FBXL17: variants seen among roughly 807,000 people sequenced by gnomAD.
FBXL17 encodes the protein F-box/LRR-repeat protein 17.
Under a neutral mutation model 66.2 loss-of-function variants are expected in FBXL17, and 22 were observed. That is an observed-to-expected ratio of 0.33 (90% confidence interval 0.24 to 0.47). FBXL17 has a LOEUF of 0.47. FBXL17 is among the 20% of genes least tolerant of loss of function. FBXL17 has a pLI of 1.00. For synonymous variants in FBXL17, 474 were observed against 400.5 expected (o/e 1.18, Z -2.19); for missense variants, 878 against 948.2 (o/e 0.93, Z 0.97).
chr5:108,210,261 G>C (rs1274859799), intron 5 of FBXL17, among the ~76,000 whole-genome samples: 1 of 152,012 alleles, frequency 6.6e-6, no homozygotes. Context: ...CAAAAAACCA[G>C]CTCCTGGATT....
At chr5:108,071,480 C>T (rs1748329588) in intron 6 of FBXL17, among the ~76,000 whole-genome samples, 1 of 152,112 alleles carries the variant, frequency 6.6e-6, no homozygotes, top group African/African-American at 2.4e-5. Context: ...GCATGGATTC[C>T]TCTTTGGGCC....
chr5:108,112,746 A>C (rs182921068), intron 6 of FBXL17, among the ~76,000 whole-genome samples: 28 of 151,340 alleles, frequency 1.9e-4, no homozygotes, highest in African/African-American at 6.5e-4. Flanking sequence ...GAGTGAAATG[A>C]AAGTTGTAAA....
At chr5:108,117,133 T>C (rs1750289851) in intron 6 of FBXL17, among the ~76,000 whole-genome samples, 1 of 152,186 alleles carries the variant, frequency 6.6e-6, no homozygotes, top group Non-Finnish European at 1.5e-5. Flanking sequence ...GACAGTTTGA[T>C]TGACTAAGTT....
At position 108,300,836 on chromosome 5, in the gene FBXL17, A is replaced by C. The variant is rs117683200; in HGVS notation, c.1506+47563T>G. ...ATATATGTAAGAGTAAAGTTCTGTT[A>C]GTTCCAAAAAACTGATGACTCAAAA... On this transcript the variant is annotated intron_variant, in intron 4 of 8. Coordinates refer to ENST00000542267, the MANE Select transcript of FBXL17 (RefSeq NM_001163315.3). Among the ~76,000 whole-genome samples, 861 of 151,886 alleles carry C rather than the reference A, an allele frequency of 5.7e-3. 26 individuals carry two copies. The East Asian group carries it at 0.099, about 18-fold the overall frequency.
chr5:108,112,536 A>C (rs747544586), intron 6 of FBXL17, among the ~76,000 whole-genome samples: 2 of 152,244 alleles, frequency 1.3e-5, no homozygotes, highest in African/African-American at 4.8e-5. Context: ...AAACATCGTC[A>C]TATTCACAAC....
chr5:108,242,557 T>C (rs999037826), intron 4 of FBXL17, among the ~76,000 whole-genome samples: 3 of 152,130 alleles, frequency 2.0e-5, no homozygotes, highest in Non-Finnish European at 4.4e-5. Flanking sequence ...TATGTAATTA[T>C]TTCATCAAGC....
chr5:108,132,953 G>A (rs1227973950), intron 6 of FBXL17, among the ~76,000 whole-genome samples: 1 of 152,092 alleles, frequency 6.6e-6, no homozygotes, highest in Non-Finnish European at 1.5e-5. Flanking sequence ...TGTCATATTA[G>A]CAATGGGAAA....
At chr5:108,024,633 G>C (rs546718142) in intron 6 of FBXL17, among the ~76,000 whole-genome samples, 1 of 152,114 alleles carries the variant, frequency 6.6e-6, no homozygotes, top group Non-Finnish European at 1.5e-5. Flanking sequence ...AAATTCTTGA[G>C]TAACAGCTGT....
intron 6 of FBXL17, among the ~76,000 whole-genome samples, chr5:108,158,923 G>A (rs1335033852): frequency 6.6e-6 from 1 of 152,078 alleles, no homozygotes; most frequent in African/African-American, 2.4e-5. Context: ...TCTCTGTGGT[G>A]TAGAAGATAC....
At chr5:108,014,159 C>A (rs1450533566) in intron 7 of FBXL17, among the ~76,000 whole-genome samples, 1 of 151,916 alleles carries the variant, frequency 6.6e-6, no homozygotes, top group East Asian at 1.9e-4. Context: ...TTTCCTATAC[C>A]TATAGAAGAC....
At chr5:107,880,173 T>A (rs554785513) in intron 8 of FBXL17, 1 of 205,846 alleles carries the variant, frequency 4.9e-6, no homozygotes, top group African/African-American at 2.4e-5. Flanking sequence ...GCTCAGGTGA[T>A]CCTCCCACCT....
At chr5:107,931,907 C>T (rs988937918) in intron 7 of FBXL17, among the ~76,000 whole-genome samples, 1 of 152,066 alleles carries the variant, frequency 6.6e-6, no homozygotes, top group African/African-American at 2.4e-5. Context: ...GGTGCCTTTC[C>T]AATTAATAAG....
At chr5:108,084,455 T>C (rs1161016517) in intron 6 of FBXL17, among the ~76,000 whole-genome samples, 1 of 152,138 alleles carries the variant, frequency 6.6e-6, no homozygotes, top group African/African-American at 2.4e-5. Context: ...CAAAATAAGT[T>C]TCATCTGGAA....
chr5:108,300,232 A>C (rs947339633), intron 4 of FBXL17, among the ~76,000 whole-genome samples: 1 of 151,994 alleles, frequency 6.6e-6, no homozygotes, highest in Non-Finnish European at 1.5e-5. Context: ...TTGATTAAAA[A>C]ATATAGCATC....
At chr5:107,888,597 A>AT (rs1320952737) in intron 7 of FBXL17, among the ~76,000 whole-genome samples, 1 of 152,170 alleles carries the variant, frequency 6.6e-6, no homozygotes, top group Non-Finnish European at 1.5e-5. Context: ...TTTGAACTTT[A>AT]TATAGAGTCA....
chr5:107,885,460 T>C lies in FBXL17; in HGVS notation c.1823-4281A>G, dbSNP rs190244355. ...ACAAAATTACTTCCGTATATACAAG[T>C]TTATTTATTGGAGCACTGATTGTAA... On this transcript the variant is annotated intron_variant, in intron 7 of 8. Coordinates refer to ENST00000542267, the MANE Select transcript of FBXL17 (RefSeq NM_001163315.3). 4.6e-5 allele frequency among the ~76,000 whole-genome samples: 7 copies of C among 152,340 alleles called. No homozygotes were observed. In the East Asian group the frequency reaches 1.2e-3, roughly 25 times the overall value.
intron 5 of FBXL17, among the ~76,000 whole-genome samples, chr5:108,223,202 T>C (rs947780620): frequency 2.0e-5 from 3 of 152,078 alleles, no homozygotes; most frequent in African/African-American, 7.2e-5. Flanking sequence ...CATTTGCTCT[T>C]CTCCTAGGGA....
In FBXL17 at chr5:107,932,117, C is replaced by T. The variant is rs536036317; in HGVS notation, c.1823-50938G>A. 2.6e-5 allele frequency among the ~76,000 whole-genome samples: 4 copies of T among 152,276 alleles called. No individual in the cohort carries two copies. The South Asian group carries it at 8.3e-4, about 32-fold the overall frequency. On this transcript the variant is annotated intron_variant, in intron 7 of 8. Coordinates refer to ENST00000542267, the MANE Select transcript of FBXL17 (RefSeq NM_001163315.3). The stretch of plus-strand genomic sequence containing the variant: ...ACCCTTGGAAAGACACTGGTCTAGA[C>T]TCTCCTTCTTAGAAGAAGGATTTTT...
At chr5:108,243,522 T>C (rs932302712) in intron 4 of FBXL17, among the ~76,000 whole-genome samples, 1 of 152,230 alleles carries the variant, frequency 6.6e-6, no homozygotes, top group Non-Finnish European at 1.5e-5. Flanking sequence ...GTTTTACAAA[T>C]GAAGAAAGAG....
Sources: allele counts gnomAD v4.1 joint callset (sites outside exome capture counted in the v4.1 genomes callset), GRCh38; gene constraint gnomAD v4.1.1; transcripts MANE v1.5; gene names NCBI Gene and HGNC (gene_info 2026-07-23, HGNC 2026-07-21).